Variants in KPNB1 observed in about 807,000 individuals in gnomAD.
KPNB1 encodes importin subunit beta-1.
A neutral mutation model predicts 113.0 loss-of-function variants in KPNB1; 7 were observed. That is an observed-to-expected ratio of 0.06 (90% CI 0.04 to 0.12). KPNB1 has a LOEUF of 0.12. KPNB1 is among the 10% of genes least tolerant of loss of function. The pLI, the probability that KPNB1 is intolerant of heterozygous loss-of-function variation, is 1.00. For synonymous variants in KPNB1, 363 were observed against 378.6 expected (o/e 0.96, Z 0.48); for missense variants, 400 against 1,054.8 (o/e 0.38, Z 8.60).
At chr17:47,674,890 C>A in intron 15 of KPNB1, 108 bp downstream of exon 15, 1 of 1,155,834 alleles carries the variant, frequency 8.7e-7, no homozygotes, top group Non-Finnish European at 1.2e-6. Context: ...GATCTTGGCG[C>A]ACTGCAGCCT....
At chr17:47,666,435 ATT>A (rs2030275516) in intron 9 of KPNB1, among the ~76,000 whole-genome samples, 2 of 142,372 alleles carry the variant, frequency 1.4e-5, no homozygotes, top group Admixed American at 1.4e-4. Flanking sequence ...TTATATATAT[ATT>A]ATATATTTTA....
At chr17:47,681,053 TTTTGTGTG>T (rs1213855768) in intron 21 of KPNB1, among the ~76,000 whole-genome samples, 2 of 125,412 alleles carry the variant, frequency 1.6e-5, no homozygotes, top group African/African-American at 3.0e-5. Flanking sequence ...TCAAATGTTT[TTTTGTGTG>T]TGTGTGTGTG....
At position 47,668,388 on chromosome 17, in the gene KPNB1, A is replaced by G. The variant is rs1295251062; in HGVS notation, c.1202A>G (p.Gln401Arg). 6.2e-7 allele frequency: 1 copy of G among 1,614,204 alleles called. No individual in the cohort carries two copies. The highest frequency in any genetic ancestry group is 2.2e-5 in the East Asian group (1 of 44,886). Residue 401 changes from glutamine to arginine, a missense_variant, in exon 10 of 22, where the codon CAG becomes CGG. By Grantham distance (43) the Gln-to-Arg change is conservative. This residue lies in a region of KPNB1 where 285 missense variants were observed against 627.0 expected (regional missense o/e 0.45). Transcript: ENST00000290158. ...ATCTTGGAAGGACCAGAGCCCAGTC[A>G]GCTCAAACCACTAGTTATACAGGTG... is the stretch of plus-strand genomic sequence containing the variant. ...GCILEGPEPS[Q>R]LKPLVIQAMP...
chr17:47,665,203 C>A, intron 9 of KPNB1, 45 bp downstream of exon 9: 3 of 1,457,266 alleles, frequency 2.1e-6, no homozygotes, highest in Non-Finnish European at 2.9e-6. Flanking sequence ...TGGAACCTTA[C>A]TAAGAGTAAA....
intron 4 of KPNB1, among the ~76,000 whole-genome samples, 175 bp downstream of exon 4, chr17:47,657,235 G>T (rs766213354): frequency 6.6e-6 from 1 of 152,144 alleles, no homozygotes; most frequent in Non-Finnish European, 1.5e-5. Flanking sequence ...TGCTAATCAT[G>T]CCCTAAAGTA....
chr17:47,654,934 A>G (rs1466678505), intron 3 of KPNB1, among the ~76,000 whole-genome samples: 5 of 152,100 alleles, frequency 3.3e-5, no homozygotes, highest in African/African-American at 1.2e-4. Context: ...TAGCTCTGCT[A>G]GTCCTCGAGA....
intron 19 of KPNB1, among the ~76,000 whole-genome samples, chr17:47,679,085 A>ATT (rs370136574): frequency 0.028 from 3,847 of 138,926 alleles, 118 homozygotes; most frequent in East Asian, 0.11. Flanking sequence ...ATGCCCAGCT[A>ATT]TTTTTTTTTT....
In KPNB1 at chr17:47,680,678, T is replaced by C. The variant is rs1471059663; in HGVS notation, c.2630+9T>C. 20 of 1,612,266 alleles carry C rather than the reference T, an allele frequency of 1.2e-5. No individual in the cohort carries two copies. Among genetic ancestry groups the C allele is most frequent in the Non-Finnish European group, 1.7e-5 (20 of 1,178,920 alleles). On this transcript the variant is annotated intron_variant, in intron 21 of 21. Transcript: ENST00000290158. The stretch of plus-strand genomic sequence containing the variant: ...CTGAAGAACCAAGCTTGGTAAGATC[T>C]TGCCTCCACTGTCCTCTTTCTTCTA...
At chr17:47,655,830 C>T (rs1460074629) in intron 3 of KPNB1, among the ~76,000 whole-genome samples, 2 of 152,164 alleles carry the variant, frequency 1.3e-5, no homozygotes, top group African/African-American at 4.8e-5. Context: ...TTTCCCACCT[C>T]GTGTTGAAGG....
chr17:47,661,613 TTAGAG>T (rs1435816933), intron 6 of KPNB1, among the ~76,000 whole-genome samples: 24 of 151,868 alleles, frequency 1.6e-4, no homozygotes, highest in Middle Eastern at 3.4e-3. Context: ...AATAAAAACA[TTAGAG>T]AAGAGGGAAG....
At chr17:47,650,331 G>A in intron 1 of KPNB1, 47 bp downstream of exon 1, 1 of 1,610,990 alleles carries the variant, frequency 6.2e-7, no homozygotes, top group Non-Finnish European at 8.5e-7. Flanking sequence ...TGGGGTGGGG[G>A]AGGGGAGGCC....
At chr17:47,672,680 G>A (rs761766523) in intron 12 of KPNB1, among the ~76,000 whole-genome samples, 9 of 152,236 alleles carry the variant, frequency 5.9e-5, no homozygotes, top group Admixed American at 5.9e-4. Context: ...GAGCCATCAC[G>A]TCTAGCCAGG....
chr17:47,672,593 G>A (rs1263250608), intron 12 of KPNB1, among the ~76,000 whole-genome samples: 2 of 152,058 alleles, frequency 1.3e-5, no homozygotes, highest in Non-Finnish European at 2.9e-5. Context: ...GTTTCACCAT[G>A]TTGACCAGGC....
intron 11 of KPNB1, chr17:47,670,238 C>T (rs2143146760): frequency 4.0e-6 from 1 of 253,122 alleles, no homozygotes; most frequent in Admixed American, 4.7e-5. Flanking sequence ...AGCCTAAATG[C>T]TGAGTCAGTA....
In KPNB1 at chr17:47,650,293, C is replaced by G; in HGVS notation, c.40+9C>G. On this transcript the variant is annotated intron_variant, in intron 1 of 21. Coordinates refer to ENST00000290158, the MANE Select transcript of KPNB1 (RefSeq NM_002265.6). The stretch of plus-strand genomic sequence containing the variant: ...GAAGACCGTGTCTCCCGGTAGGACG[C>G]AGGAGCCGGGGGTAGGGCTGAGGTG... 6.2e-7 allele frequency: 1 copy of G among 1,605,486 alleles called. No individual in the cohort carries two copies. The highest frequency in any genetic ancestry group is 8.5e-7 in the Non-Finnish European group (1 of 1,175,712).
chr17:47,674,293 G>C (rs1017977112), intron 14 of KPNB1, among the ~76,000 whole-genome samples: 1 of 152,128 alleles, frequency 6.6e-6, no homozygotes, highest in Non-Finnish European at 1.5e-5. Context: ...AAGGTGATAG[G>C]GCCTTCTCTA....
At chr17:47,681,265 CTTTTTTTTT>C (rs535906429) in intron 21 of KPNB1, among the ~76,000 whole-genome samples, 1 of 122,696 alleles carries the variant, frequency 8.2e-6, no homozygotes, top group African/African-American at 3.0e-5. Flanking sequence ...TTTTCTTCTT[CTTTTTTTTT>C]TTTTTTTTCT....
chr17:47,665,836 A>G (rs1484640158), intron 9 of KPNB1, among the ~76,000 whole-genome samples: 2 of 152,190 alleles, frequency 1.3e-5, no homozygotes, highest in Non-Finnish European at 2.9e-5. Flanking sequence ...GGTGCATGTG[A>G]AGTATTACCA....
intron 2 of KPNB1, chr17:47,651,277 A>G: frequency 4.1e-6 from 4 of 985,266 alleles, no homozygotes; most frequent in Non-Finnish European, 4.8e-6. Context: ...ATTGGTTGAA[A>G]CAGCCTAGAT....
Sources: allele counts gnomAD v4.1 joint callset (sites outside exome capture counted in the v4.1 genomes callset), GRCh38; gene constraint gnomAD v4.1.1; regional missense constraint gnomAD v4.1.1; transcripts MANE v1.5; gene names NCBI Gene and HGNC (gene_info 2026-07-23, HGNC 2026-07-21).